The following RCL1 variants were observed in gnomAD, a reference collection of about 807,000 sequenced individuals.
RCL1 encodes the protein RNA terminal phosphate cyclase like 1, also known as RNA 3'-terminal phosphate cyclase-like protein.
RCL1 carries 24 observed loss-of-function variants against 42.4 expected under a neutral mutation model. The ratio of observed to expected loss-of-function variants is 0.57; its 90% CI spans 0.41 to 0.80. The LOEUF is 0.80. Ranked by LOEUF, RCL1 falls within the 30% of genes least tolerant of loss-of-function variation. The probability of loss-of-function intolerance (pLI) is 0.00; values close to 1 mark genes in which losing one functional copy is unlikely to be tolerated. For synonymous variants in RCL1, 228 were observed against 177.3 expected, an observed-to-expected ratio of 1.29 and a Z score of -2.27; for missense variants, 578 against 467.9, an observed-to-expected ratio of 1.24 and a Z score of -2.17.
chr9:4,795,306 C>G (rs923719542), intron 1 of RCL1, among the ~76,000 whole-genome samples: 6 of 152,136 alleles, frequency 3.9e-5, no homozygotes, highest in Admixed American at 1.3e-4. Flanking sequence ...CTGTATGAAA[C>G]TGCTGACCTC....
At chr9:4,850,278 C>T (rs1817687825) in intron 8 of RCL1, 1 of 530,992 alleles carries the variant, frequency 1.9e-6, no homozygotes, top group African/African-American at 1.9e-5. Flanking sequence ...AGGGAATATT[C>T]AGGTAGATAT....
intron 8 of RCL1, among the ~76,000 whole-genome samples, chr9:4,851,057 A>C (rs537996752): frequency 2.0e-5 from 3 of 152,066 alleles, no homozygotes; most frequent in African/African-American, 7.2e-5. Context: ...AGATTTTTCA[A>C]TTTGGCTCCA....
Position 4,823,653 on chromosome 9 carries a change from A to G in RCL1, c.208+34A>G, listed in dbSNP as rs376435293. On this transcript the variant is annotated intron_variant, in intron 2 of 8. Coordinates refer to ENST00000381750, the MANE Select transcript of RCL1 (RefSeq NM_005772.5). The stretch of plus-strand genomic sequence containing the variant: ...CTTTTAGATTCCTAAAAGCACCTCC[A>G]TGCACTAAAGCATTCCTGTTTCTCA... 1.5e-5 allele frequency: 22 copies of G among 1,439,908 alleles called. No homozygotes were observed. The African/African-American group carries it at 2.7e-4, about 18-fold the overall frequency. The allele number at this position is 1,439,908 out of a possible 1,614,324, so 89.2% of individuals were successfully genotyped here.
At chr9:4,851,633 A>G (rs757725066) in intron 8 of RCL1, among the ~76,000 whole-genome samples, 10 of 152,284 alleles carry the variant, frequency 6.6e-5, no homozygotes, top group African/African-American at 2.2e-4. Flanking sequence ...AGCTTTGGAG[A>G]CCAAACTAAC....
At chr9:4,844,432 C>T (rs1817439310) in intron 6 of RCL1, 93 bp from the exon 7 acceptor site, 2 of 974,870 alleles carry the variant, frequency 2.1e-6, no homozygotes, top group African/African-American at 3.3e-5. Context: ...ACAGTGCCGT[C>T]AAAAAAAATG....
At chr9:4,807,422 G>A (rs190372338) in intron 1 of RCL1, among the ~76,000 whole-genome samples, 115 of 152,216 alleles carry the variant, frequency 7.6e-4, no homozygotes, top group African/African-American at 2.6e-3. Context: ...TGCCTTAGTT[G>A]TATCCCATAA....
At chr9:4,839,683 C>T (rs1225272607) in intron 5 of RCL1, 2 of 985,160 alleles carry the variant, frequency 2.0e-6, no homozygotes, top group East Asian at 1.1e-4. Flanking sequence ...TTTGCTCTTT[C>T]CTCATTTCAG....
chr9:4,811,197 A>G (rs150940297), intron 1 of RCL1, among the ~76,000 whole-genome samples: 1 of 151,682 alleles, frequency 6.6e-6, no homozygotes, highest in African/African-American at 2.4e-5. Context: ...TGGGAGGATC[A>G]CTTGAGCCCA....
intron 1 of RCL1, among the ~76,000 whole-genome samples, chr9:4,818,842 A>G (rs1334954129): frequency 7.3e-5 from 11 of 150,110 alleles, no homozygotes; most frequent in African/African-American, 2.7e-4. Flanking sequence ...AGTGCACTCC[A>G]GCCTGGGCAA....
chr9:4,844,636 C>G lies in RCL1; in HGVS notation c.822C>G (p.Asp274Glu), dbSNP rs758007680. 1 of 1,613,922 alleles carries G rather than the reference C, an allele frequency of 6.2e-7. No individual in the cohort carries two copies. The highest frequency in any genetic ancestry group is 2.2e-5 in the East Asian group (1 of 44,872). ...QGQGAAVLPE[D>E]LGRNCARLLL... The stretch of plus-strand genomic sequence containing the variant: ...AGGGAGCAGCAGTACTTCCAGAGGA[C>G]CTTGGCAGGAACTGTGCCCGGCTGC... The change falls in exon 7 of 9, where the codon GAC becomes GAG. Residue 274 changes from aspartate to glutamate, a missense_variant. By Grantham distance (45) the Asp-to-Glu change is conservative. Transcript: ENST00000381750.
intron 1 of RCL1, among the ~76,000 whole-genome samples, chr9:4,819,596 C>G (rs1816514502): frequency 6.6e-6 from 1 of 152,170 alleles, no homozygotes; most frequent in Admixed American, 6.5e-5. Context: ...ATCATGAGGT[C>G]AGGAGATTGA....
At position 4,842,891 on chromosome 9, in the gene RCL1, A is replaced by T. The variant is rs148459361; in HGVS notation, c.710+1534A>T. Among the ~76,000 whole-genome samples, 652 of 152,336 alleles carry T rather than the reference A, an allele frequency of 4.3e-3. 7 individuals are homozygous for T. Among genetic ancestry groups the T allele is most frequent in the African/African-American group, 0.015 (626 of 41,566 alleles). ...TTTATCAGAAAGTGTCCTGGCATGA[A>T]GCAGAGCAGGCCTGACAGCCATCCT... On this transcript the variant is annotated intron_variant, in intron 6 of 8. Coordinates refer to ENST00000381750, the MANE Select transcript of RCL1 (RefSeq NM_005772.5).
At chr9:4,847,621 A>G (rs1452702069) in intron 7 of RCL1, among the ~76,000 whole-genome samples, 6 of 152,206 alleles carry the variant, frequency 3.9e-5, no homozygotes, top group Non-Finnish European at 8.8e-5. Flanking sequence ...TCCAAATCCT[A>G]ACATCCTTTT....
At chr9:4,854,481 G>T (rs1213497884) in intron 8 of RCL1, among the ~76,000 whole-genome samples, 1 of 152,160 alleles carries the variant, frequency 6.6e-6, no homozygotes, top group East Asian at 1.9e-4. Flanking sequence ...CCCATATCCA[G>T]TGGCATAGTA....
chr9:4,802,074 ATTTTT>A (rs34756856), intron 1 of RCL1, among the ~76,000 whole-genome samples: 7 of 95,458 alleles, frequency 7.3e-5, no homozygotes, highest in South Asian at 3.6e-4. Flanking sequence ...ACGCCTGGCT[ATTTTT>A]TTTTTTTTTT....
chr9:4,803,619 A>G (rs1274826968), intron 1 of RCL1, among the ~76,000 whole-genome samples: 1 of 151,830 alleles, frequency 6.6e-6, no homozygotes, highest in East Asian at 1.9e-4. Context: ...TGGATTCCTA[A>G]TTTTTCTTGA....
chr9:4,850,363 G>C (rs1359996956), intron 8 of RCL1: 1 of 532,412 alleles, frequency 1.9e-6, no homozygotes, highest in Non-Finnish European at 3.9e-6. Context: ...TGTGATAACT[G>C]AAGAATGGTG....
chr9:4,847,808 C>T (rs1178887967), intron 7 of RCL1, among the ~76,000 whole-genome samples: 1 of 152,218 alleles, frequency 6.6e-6, no homozygotes, highest in East Asian at 1.9e-4. Context: ...TGGTGCCTTC[C>T]AGGCTGGTCA....
chr9:4,814,546 C>T (rs1816304271), intron 1 of RCL1, among the ~76,000 whole-genome samples: 1 of 152,180 alleles, frequency 6.6e-6, no homozygotes, highest in Admixed American at 6.5e-5. Context: ...GGATTCTAGG[C>T]ATGAGCCACA....
Sources: allele counts gnomAD v4.1 joint callset (sites outside exome capture counted in the v4.1 genomes callset), GRCh38; gene constraint gnomAD v4.1.1; transcripts MANE v1.5; gene names NCBI Gene and HGNC (gene_info 2026-07-23, HGNC 2026-07-21).